Variants in PALMD observed in about 807,000 individuals in gnomAD.
The protein encoded by PALMD is palmdelphin, also known as paralemmin-like protein.
A neutral mutation model predicts 56.2 loss-of-function variants in PALMD; 42 were observed. The ratio of observed to expected loss-of-function variants is 0.75; its 90% CI spans 0.58 to 0.97. The LOEUF (loss-of-function observed/expected upper bound fraction) is 0.97, where lower values mean the gene tolerates loss of function less well. PALMD is among the 50% of genes least tolerant of loss of function. The probability of loss-of-function intolerance (pLI) is 0.00; values close to 1 mark genes in which losing one functional copy is unlikely to be tolerated. For synonymous variants in PALMD, 242 were observed against 222.9 expected (o/e 1.09, Z -0.76); for missense variants, 660 against 643.8 (o/e 1.03, Z -0.27).
chr1:99,687,211 A>C (rs576050021), intron 6 of PALMD, 22 bp downstream of exon 6: 56 of 1,580,948 alleles, frequency 3.5e-5, no homozygotes, highest in Middle Eastern at 1.7e-4. Flanking sequence ...ATCTGTGTTG[A>C]AGGGCATGTT....
rs1222231658 is a variant in PALMD, at chr1:99,683,019, GGAAAGAAA to G, written c.252-3626_252-3619del. On this transcript the variant is annotated intron_variant, in intron 3 of 7. Coordinates refer to ENST00000263174, the MANE Select transcript of PALMD (RefSeq NM_017734.5). ...AGACTCTGTCTCCAAAAAGAAAGAA[GGAAAGAAA>G]GAAAGAAAGAAAGAAAGAAAGAAAG... Among the ~76,000 whole-genome samples the G allele has an allele frequency of 1.2e-4, 6 of 48,462 alleles. 1 individual carries two copies. In the East Asian group the frequency reaches 3.1e-3, roughly 25 times the overall value. 31.8% of individuals were successfully genotyped at this position (48,462 alleles called of 152,430 possible).
Position 99,673,918 on chromosome 1 carries a change from C to A in PALMD, c.251+6152C>A, listed in dbSNP as rs140737365. On this transcript the variant is annotated intron_variant, in intron 3 of 7. Coordinates refer to ENST00000263174, the MANE Select transcript of PALMD (RefSeq NM_017734.5). ...GAATGTTAGTACTTAAAAATACTAC[C>A]TTTCTAAGAGGACCAGCTAAAGAAG... Among the ~76,000 whole-genome samples the A allele has an allele frequency of 5.9e-3, 892 of 152,142 alleles. 9 individuals carry two copies. The highest frequency in any genetic ancestry group is 0.021 in the African/African-American group (857 of 41,496).
intron 3 of PALMD, among the ~76,000 whole-genome samples, chr1:99,681,967 G>C (rs6577122): frequency 0.035 from 5,337 of 152,194 alleles, 275 homozygotes; most frequent in African/African-American, 0.12. Context: ...TGGTGTACAG[G>C]TTGTCAAACC....
intron 3 of PALMD, among the ~76,000 whole-genome samples, chr1:99,673,377 G>A (rs1014374428): frequency 5.9e-5 from 9 of 151,744 alleles, no homozygotes; most frequent in African/African-American, 1.2e-4. Context: ...GATATGCTAC[G>A]TGAAAAATAC....
At chr1:99,664,748 C>T (rs913132390) in intron 2 of PALMD, among the ~76,000 whole-genome samples, 2 of 152,220 alleles carry the variant, frequency 1.3e-5, no homozygotes, top group African/African-American at 4.8e-5. Flanking sequence ...TAGCCTGTCT[C>T]TTATTTTCTT....
intron 3 of PALMD, among the ~76,000 whole-genome samples, chr1:99,680,629 C>T (rs189967795): frequency 2.6e-5 from 4 of 152,052 alleles, no homozygotes; most frequent in African/African-American, 7.2e-5. Context: ...AAGATGGGGA[C>T]GGCAGCACTT....
At chr1:99,646,568 T>C (rs1652448832) in intron 1 of PALMD, among the ~76,000 whole-genome samples, 1 of 152,222 alleles carries the variant, frequency 6.6e-6, no homozygotes, top group Admixed American at 6.5e-5. Flanking sequence ...CGTTCTTGAT[T>C]TTCAAAAAGG....
At chr1:99,691,449 A>T (rs756268608) in intron 7 of PALMD, among the ~76,000 whole-genome samples, 1 of 152,204 alleles carries the variant, frequency 6.6e-6, no homozygotes, top group Non-Finnish European at 1.5e-5. Context: ...CCTATTCCAG[A>T]CAAAGTAACA....
intron 1 of PALMD, among the ~76,000 whole-genome samples, chr1:99,660,758 C>T (rs184824182): frequency 8.5e-5 from 13 of 152,200 alleles, no homozygotes; most frequent in Middle Eastern, 3.4e-3. Flanking sequence ...TGGTAGTATG[C>T]GCCTGTAGTC....
At chr1:99,671,290 G>C (rs1353276749) in intron 3 of PALMD, among the ~76,000 whole-genome samples, 1 of 152,150 alleles carries the variant, frequency 6.6e-6, no homozygotes, top group African/African-American at 2.4e-5. Context: ...TACTTCTAAG[G>C]CGTTGTAAGA....
At chr1:99,683,636 AT>A (rs1653421382) in intron 3 of PALMD, 1 of 152,140 alleles carries the variant, frequency 6.6e-6, no homozygotes, top group Non-Finnish European at 1.5e-5. Flanking sequence ...CTTCATCTAG[AT>A]TTTTAGCACA....
chr1:99,652,825 G>C (rs530581461), intron 1 of PALMD, among the ~76,000 whole-genome samples: 85 of 152,254 alleles, frequency 5.6e-4, no homozygotes, highest in Non-Finnish European at 9.1e-4. Context: ...TGGAGGGTCT[G>C]CTTTGCTTAA....
Position 99,687,064 on chromosome 1 carries a change from T to C in PALMD, c.401-12T>C. 3 of 1,568,426 alleles carry C rather than the reference T, an allele frequency of 1.9e-6. No homozygotes were observed. The highest frequency in any genetic ancestry group is 2.6e-6 in the Non-Finnish European group (3 of 1,147,920). ...ATTCTAAATGTATTTTGAATTCATA[T>C]TAATTTTACAGAGTCAATTGAGGAC... On this transcript the variant is annotated splice_polypyrimidine_tract_variant and intron_variant, in intron 5 of 7. Coordinates refer to ENST00000263174, the MANE Select transcript of PALMD (RefSeq NM_017734.5).
chr1:99,681,150 T>G lies in PALMD; in HGVS notation c.252-5526T>G, dbSNP rs1451429271. 3.2e-3 allele frequency among the ~76,000 whole-genome samples: 455 copies of G among 143,594 alleles called. 4 individuals carry two copies. Among genetic ancestry groups the G allele is most frequent in the African/African-American group, 0.013 (443 of 34,058 alleles). 94.2% of individuals were successfully genotyped at this position (143,594 alleles called of 152,430 possible). On this transcript the variant is annotated intron_variant, in intron 3 of 7. Transcript: ENST00000263174. ...GTGTGTGTGTGTATGTATATATATA[T>G]ATGTATAGAGCCCGGACTTTAATCC...
chr1:99,672,781 G>A (rs111443645), intron 3 of PALMD, among the ~76,000 whole-genome samples: 1,635 of 152,282 alleles, frequency 0.011, 28 homozygotes, highest in African/African-American at 0.037. Context: ...GTCAACTGCC[G>A]AGGAGAATGA....
chr1:99,653,949 A>G (rs954520155), intron 1 of PALMD, among the ~76,000 whole-genome samples: 3 of 152,128 alleles, frequency 2.0e-5, no homozygotes, highest in African/African-American at 7.2e-5. Context: ...AGTTGGTGCT[A>G]AGGGTTGATC....
At chr1:99,665,030 AT>A (rs1277534958) in intron 2 of PALMD, among the ~76,000 whole-genome samples, 3 of 152,070 alleles carry the variant, frequency 2.0e-5, no homozygotes, top group Admixed American at 2.0e-4. Context: ...TCATACAGAG[AT>A]TTTTTTTCTG....
intron 1 of PALMD, among the ~76,000 whole-genome samples, chr1:99,655,097 T>G (rs1159201726): frequency 1.3e-5 from 2 of 152,126 alleles, no homozygotes; most frequent in African/African-American, 2.4e-5. Context: ...AATGTACATT[T>G]TTAAAAATTA....
chr1:99,655,515 C>T (rs1375421572), intron 1 of PALMD, among the ~76,000 whole-genome samples: 2 of 152,002 alleles, frequency 1.3e-5, no homozygotes, highest in African/African-American at 2.4e-5. Context: ...GGGATTAATC[C>T]GTAATTTCAC....
Sources: allele counts gnomAD v4.1 joint callset (sites outside exome capture counted in the v4.1 genomes callset), GRCh38; gene constraint gnomAD v4.1.1; transcripts MANE v1.5; gene names NCBI Gene and HGNC (gene_info 2026-07-23, HGNC 2026-07-21).